BNC2: variants seen among roughly 807,000 people sequenced by gnomAD.
BNC2 encodes the protein basonuclin zinc finger protein 2, also known as zinc finger protein basonuclin-2.
In BNC2, 20 loss-of-function variants were observed where a neutral mutation model predicts 76.3. The ratio of observed to expected loss-of-function variants is 0.26; its 90% CI spans 0.18 to 0.38. The LOEUF is 0.38. Among genes scored for constraint, BNC2 ranks in the 10% least tolerant of loss-of-function variants. The pLI is 1.00. For missense variants in BNC2, 1,382 were observed against 1,399.8 expected, an observed-to-expected ratio of 0.99 and a Z score of 0.20; for synonymous variants, 582 against 514.8, an observed-to-expected ratio of 1.13 and a Z score of -1.77.
intron 5 of BNC2, among the ~76,000 whole-genome samples, chr9:16,515,116 T>G (rs533693509): frequency 6.6e-6 from 1 of 152,306 alleles, no homozygotes; most frequent in Non-Finnish European, 1.5e-5. Flanking sequence ...GAACAAGTGT[T>G]AATATTGCAA....
At chr9:16,544,975 T>G (rs1818435162) in intron 5 of BNC2, among the ~76,000 whole-genome samples, 1 of 152,170 alleles carries the variant, frequency 6.6e-6, no homozygotes, top group Non-Finnish European at 1.5e-5. Context: ...ATGAAGAAAC[T>G]GATGTTCAAG....
At chr9:16,473,697 ACT>A (rs1312056912) in intron 5 of BNC2, among the ~76,000 whole-genome samples, 1 of 151,874 alleles carries the variant, frequency 6.6e-6, no homozygotes, top group Non-Finnish European at 1.5e-5. Flanking sequence ...ATATGGTGAA[ACT>A]CTGTCTCTAC....
At chr9:16,836,545 C>T (rs1486951874) in intron 1 of BNC2, among the ~76,000 whole-genome samples, 1 of 150,714 alleles carries the variant, frequency 6.6e-6, no homozygotes, top group African/African-American at 2.4e-5. Context: ...TCCTAGAAAA[C>T]CAGTTCAAGA....
chr9:16,867,854 G>A (rs917270195), intron 1 of BNC2: 1 of 152,174 alleles, frequency 6.6e-6, no homozygotes. Flanking sequence ...AAGATCAAAT[G>A]AGAAAACTGT....
At chr9:16,639,119 T>C (rs906165685) in intron 3 of BNC2, among the ~76,000 whole-genome samples, 1 of 152,262 alleles carries the variant, frequency 6.6e-6, no homozygotes, top group East Asian at 1.9e-4. Flanking sequence ...ACTTAATAAG[T>C]TTGAGGTTAT....
chr9:16,784,738 G>C (rs1373429191), intron 1 of BNC2, among the ~76,000 whole-genome samples: 1 of 152,200 alleles, frequency 6.6e-6, no homozygotes, highest in African/African-American at 2.4e-5. Context: ...ACTGCAACAA[G>C]CCTATAGTAG....
chr9:16,490,577 G>C (rs536904581), intron 5 of BNC2, among the ~76,000 whole-genome samples: 1 of 152,010 alleles, frequency 6.6e-6, no homozygotes, highest in Non-Finnish European at 1.5e-5. Flanking sequence ...TATCTGTGTG[G>C]GTGTGTGTAT....
chr9:16,631,533 TA>T (rs1427206124), intron 3 of BNC2, among the ~76,000 whole-genome samples: 3 of 152,202 alleles, frequency 2.0e-5, no homozygotes, highest in African/African-American at 2.4e-5. Flanking sequence ...ACAAGGGACT[TA>T]GAATCACAGC....
intron 3 of BNC2, among the ~76,000 whole-genome samples, chr9:16,633,287 T>C (rs907126915): frequency 6.6e-6 from 1 of 152,202 alleles, no homozygotes. Flanking sequence ...AAGGTTCTAG[T>C]TCTGTCCCAG....
intron 1 of BNC2, among the ~76,000 whole-genome samples, chr9:16,816,942 A>G (rs952456106): frequency 2.6e-5 from 4 of 152,210 alleles, no homozygotes; most frequent in Non-Finnish European, 5.9e-5. Context: ...AGGACTCCCC[A>G]AAGTTTAGAA....
At chr9:16,599,257 T>C (rs4961725) in intron 3 of BNC2, among the ~76,000 whole-genome samples, 137,079 of 152,244 alleles carry the variant, frequency 0.9, 62,128 homozygotes, top group East Asian at 1. Flanking sequence ...TTAATGTCAA[T>C]CATATTCAAG....
intron 3 of BNC2, among the ~76,000 whole-genome samples, chr9:16,642,205 ATACTT>A (rs1821509182): frequency 6.6e-6 from 1 of 152,206 alleles, no homozygotes. Context: ...GTTTACTTTT[ATACTT>A]TAAAGTGAGC....
At chr9:16,557,187 T>C (rs1454770279) in intron 4 of BNC2, among the ~76,000 whole-genome samples, 1 of 152,078 alleles carries the variant, frequency 6.6e-6, no homozygotes. Flanking sequence ...ATGTGTCCCA[T>C]ACCAATGGTA....
chr9:16,590,586 G>C (rs1291003899), intron 3 of BNC2, among the ~76,000 whole-genome samples: 1 of 152,208 alleles, frequency 6.6e-6, no homozygotes, highest in Admixed American at 6.5e-5. Context: ...AGGCCGAGGA[G>C]AGCACATAGC....
rs1370218283 is a variant in BNC2 at position 16,417,439 on chromosome 9, TGA to T, written c.*1548_*1549del. On this transcript the variant is annotated 3_prime_UTR_variant, in exon 7 of 7. Transcript: ENST00000380672. ...TGGGGAAACACAAAACACTGAACAT[TGA>T]GAGATCCTGCTTTAAAACCCCCTTC... The T allele has an allele frequency of 6.6e-6, 1 of 152,198 alleles. No homozygotes were observed. Among genetic ancestry groups the T allele is most frequent in the East Asian group, 1.9e-4 (1 of 5,182 alleles). The allele number at this position is 152,198 out of a possible 1,614,324, so 9.4% of individuals were successfully genotyped here. A position where few individuals can be genotyped will look rare whatever the true frequency, so the allele number is the denominator to read the frequency against.
At chr9:16,548,250 A>G (rs1818549573) in intron 5 of BNC2, among the ~76,000 whole-genome samples, 2 of 152,192 alleles carry the variant, frequency 1.3e-5, no homozygotes, top group Admixed American at 6.5e-5. Context: ...ACTAAATTCA[A>G]CAATGATAAT....
chr9:16,612,553 G>A (rs1820579243), intron 3 of BNC2, among the ~76,000 whole-genome samples: 1 of 152,018 alleles, frequency 6.6e-6, no homozygotes, highest in Admixed American at 6.6e-5. Context: ...TATTCTTGTG[G>A]CCCCATCAAT....
intron 1 of BNC2, among the ~76,000 whole-genome samples, chr9:16,833,989 C>G (rs549480826): frequency 6.6e-6 from 1 of 152,144 alleles, no homozygotes; most frequent in Non-Finnish European, 1.5e-5. Flanking sequence ...ATACTCAGCA[C>G]CCTCTACCTT....
chr9:16,778,893 G>C (rs1826041728), intron 1 of BNC2, among the ~76,000 whole-genome samples: 1 of 152,124 alleles, frequency 6.6e-6, no homozygotes. Context: ...AGCAGGTTAT[G>C]TTAAAGACTT....
Sources: gnomAD v4.1 joint callset for allele counts (sites outside exome capture counted in the v4.1 genomes callset) on GRCh38, gnomAD v4.1.1 for gene constraint, MANE v1.5 for transcripts, NCBI Gene and HGNC (gene_info 2026-07-23, HGNC 2026-07-21) for gene names.